ELF1: variants seen among roughly 807,000 people sequenced by gnomAD.
ELF1 encodes the protein ETS-related transcription factor Elf-1.
ELF1 carries 24 observed loss-of-function variants against 59.9 expected under a neutral mutation model. The ratio of observed to expected loss-of-function variants is 0.40; its 90% CI spans 0.29 to 0.56. The LOEUF (loss-of-function observed/expected upper bound fraction) is 0.56. ELF1 is among the 20% of genes least tolerant of loss of function. The pLI is 0.44. For synonymous variants in ELF1, 248 were observed against 266.2 expected (o/e 0.93, Z 0.67); for missense variants, 627 against 742.2 (o/e 0.84, Z 1.80).
chr13:40,975,454 C>T (rs1297466426), intron 2 of ELF1, among the ~76,000 whole-genome samples: 1 of 152,070 alleles, frequency 6.6e-6, no homozygotes, highest in Non-Finnish European at 1.5e-5. Context: ...ATGCCTACAA[C>T]CAGATTTAAT....
chr13:41,048,913 C>G (rs1045935075), intron 1 of ELF1, among the ~76,000 whole-genome samples: 11 of 152,114 alleles, frequency 7.2e-5, no homozygotes, highest in African/African-American at 2.7e-4. Context: ...TTCAACCAGC[C>G]TAATCTAACT....
chr13:41,055,276 C>T (rs1354912499), intron 1 of ELF1, among the ~76,000 whole-genome samples: 5 of 152,022 alleles, frequency 3.3e-5, no homozygotes, highest in East Asian at 3.9e-4. Flanking sequence ...AATCTATTTT[C>T]GCAGCCTTAT....
chr13:40,940,893 A>C, intron 8 of ELF1, 28 bp downstream of exon 8: 2 of 1,578,928 alleles, frequency 1.3e-6, no homozygotes. Context: ...TATTGAAGTG[A>C]TAAGCATCAG....
chr13:41,003,662 G>C (rs191210643), intron 1 of ELF1, among the ~76,000 whole-genome samples: 21 of 152,216 alleles, frequency 1.4e-4, no homozygotes, highest in African/African-American at 4.3e-4. Flanking sequence ...AAGTAATAAA[G>C]AGAATTATTA....
chr13:41,060,914 T>TGCTGCCGCC (rs878930377), exon 1 of ELF1: 5,949 of 344,708 alleles, frequency 0.017, 769 homozygotes, highest in African/African-American at 0.085. Context: ...AAGCTGCTGC[T>TGCTGCCGCC]GCCGCCGCCG....
chr13:41,053,918 C>A (rs1274763377), intron 1 of ELF1, among the ~76,000 whole-genome samples: 1 of 152,082 alleles, frequency 6.6e-6, no homozygotes, highest in African/African-American at 2.4e-5. Flanking sequence ...GAACTTTTAA[C>A]AACTACAACC....
chr13:40,933,393 C>T lies in ELF1; in HGVS notation c.*32G>A. The T allele has an allele frequency of 1.9e-6, 3 of 1,577,264 alleles. No individual in the cohort carries two copies. The highest frequency in any genetic ancestry group is 2.6e-6 in the Non-Finnish European group (3 of 1,163,262). On this transcript the variant is annotated 3_prime_UTR_variant, in exon 9 of 9. Transcript: ENST00000239882. Reference sequence around the variant, plus strand: ...CATATAATTGAAAATGTTCAATTAACAAACAATTATTCATAAGCTTTGGTA... The same window carrying T: ...CATATAATTGAAAATGTTCAATTAATAAACAATTATTCATAAGCTTTGGTA...
intron 3 of ELF1, 119 bp from the exon 4 acceptor site, chr13:40,951,555 ATATAAAC>A (rs1483801393): frequency 4.9e-6 from 3 of 618,358 alleles, no homozygotes; most frequent in Non-Finnish European, 7.7e-6. Context: ...TTATATATAT[ATATAAAC>A]TATAAACACA....
At chr13:40,960,243 T>C (rs1009882216) in intron 2 of ELF1, among the ~76,000 whole-genome samples, 17 of 152,212 alleles carry the variant, frequency 1.1e-4, no homozygotes, top group African/African-American at 3.6e-4. Context: ...AAATTTCTAA[T>C]TGTCCCACTA....
At chr13:41,036,473 TG>T (rs1482408070) in intron 1 of ELF1, among the ~76,000 whole-genome samples, 1 of 152,216 alleles carries the variant, frequency 6.6e-6, no homozygotes, top group Non-Finnish European at 1.5e-5. Flanking sequence ...AACTTAAAAG[TG>T]GAGAAATAGG....
rs532584972 is a variant in ELF1 at position 41,010,719 on chromosome 13, A to C, written c.-229+8509T>G. On this transcript the variant is annotated intron_variant, in intron 1 of 8. Coordinates refer to ENST00000239882, the MANE Select transcript of ELF1 (RefSeq NM_172373.4). ...ATATGTAACAGGCAATAATTGCTGA[A>C]TGAATCAATAATAATATAGATCAAA... 2.0e-5 allele frequency among the ~76,000 whole-genome samples: 3 copies of C among 152,260 alleles called. No homozygotes were observed. In the South Asian group the frequency reaches 6.2e-4, roughly 32 times the overall value.
At chr13:40,942,486 A>T (rs1870238549) in intron 7 of ELF1, among the ~76,000 whole-genome samples, 1 of 152,192 alleles carries the variant, frequency 6.6e-6, no homozygotes, top group African/African-American at 2.4e-5. Flanking sequence ...TACTATAATA[A>T]CTAACATATC....
At chr13:41,004,681 A>G (rs1874645139) in intron 1 of ELF1, among the ~76,000 whole-genome samples, 1 of 152,220 alleles carries the variant, frequency 6.6e-6, no homozygotes. Context: ...ATAATTAGAT[A>G]CTAAAATTTC....
intron 1 of ELF1, among the ~76,000 whole-genome samples, chr13:40,989,975 TAAAA>T (rs1226626270): frequency 6.6e-6 from 1 of 152,158 alleles, no homozygotes; most frequent in Non-Finnish European, 1.5e-5. Flanking sequence ...TTCATGCATT[TAAAA>T]CTTCTTTATT....
chr13:40,944,019 T>A, intron 5 of ELF1, 94 bp from the exon 6 acceptor site: 1 of 1,214,136 alleles, frequency 8.2e-7, no homozygotes, highest in Non-Finnish European at 1.2e-6. Context: ...AAATTTCAAG[T>A]GCCAAATGTT....
intron 3 of ELF1, among the ~76,000 whole-genome samples, chr13:40,953,222 C>T (rs1008876875): frequency 1.3e-5 from 2 of 152,180 alleles, no homozygotes; most frequent in East Asian, 1.9e-4. Context: ...GTGATCTGCC[C>T]GCCTCGGCCT....
chr13:40,959,724 GTTCTT>G (rs952470394), intron 2 of ELF1, among the ~76,000 whole-genome samples: 1 of 151,668 alleles, frequency 6.6e-6, no homozygotes, highest in Non-Finnish European at 1.5e-5. Flanking sequence ...TTCTATTATT[GTTCTT>G]TTCAAGTATG....
intron 1 of ELF1, among the ~76,000 whole-genome samples, chr13:40,989,495 T>C (rs1873727486): frequency 6.6e-6 from 1 of 152,234 alleles, no homozygotes; most frequent in Non-Finnish European, 1.5e-5. Context: ...ACTATGAATA[T>C]ATTTTAGGTA....
At chr13:40,965,098 A>C (rs1197488347) in intron 2 of ELF1, among the ~76,000 whole-genome samples, 2 of 152,208 alleles carry the variant, frequency 1.3e-5, no homozygotes, top group Non-Finnish European at 2.9e-5. Flanking sequence ...TGCCCGAAAT[A>C]ACTTGTATAA....
Sources: gnomAD v4.1 joint callset for allele counts (sites outside exome capture counted in the v4.1 genomes callset) on GRCh38, gnomAD v4.1.1 for gene constraint, MANE v1.5 for transcripts, NCBI Gene and HGNC (gene_info 2026-07-23, HGNC 2026-07-21) for gene names.